The following MAP7 variants were observed in gnomAD, a reference collection of about 807,000 sequenced individuals.
MAP7 encodes the protein microtubule associated protein 7.
MAP7 carries 52 observed loss-of-function variants against 94.8 expected under a neutral mutation model. The ratio of observed to expected loss-of-function variants is 0.55; its 90% CI spans 0.44 to 0.69. The LOEUF (loss-of-function observed/expected upper bound fraction) is 0.69. MAP7 is among the 30% of genes least tolerant of loss of function. MAP7 has a pLI of 0.00. For missense variants in MAP7, 940 were observed against 964.6 expected, an observed-to-expected ratio of 0.97 and a Z score of 0.34; for synonymous variants, 350 against 357.0, an observed-to-expected ratio of 0.98 and a Z score of 0.22.
intron 1 of MAP7, among the ~76,000 whole-genome samples, chr6:136,465,738 C>T (rs541695576): frequency 2.0e-5 from 3 of 152,170 alleles, no homozygotes; most frequent in East Asian, 1.9e-4. Context: ...ATATGCTGCC[C>T]GGACTCTATA....
chr6:136,351,496 T>C (rs1002933354), intron 16 of MAP7, among the ~76,000 whole-genome samples: 1 of 152,188 alleles, frequency 6.6e-6, no homozygotes, highest in Admixed American at 6.5e-5. Flanking sequence ...GTGTGGAAAG[T>C]ATCTCCATGT....
At chr6:136,487,862 T>C (rs1293801200) in intron 1 of MAP7, among the ~76,000 whole-genome samples, 1 of 152,226 alleles carries the variant, frequency 6.6e-6, no homozygotes, top group African/African-American at 2.4e-5. Context: ...CAAAAGATGC[T>C]TGAAGTTGGA....
intron 1 of MAP7, among the ~76,000 whole-genome samples, chr6:136,543,494 T>C (rs1231375408): frequency 2.0e-5 from 3 of 151,982 alleles, no homozygotes; most frequent in South Asian, 2.1e-4. Context: ...CTACTAAAAA[T>C]ACAAAATTAG....
chr6:136,343,915 A>T lies in MAP7; in HGVS notation c.*313T>A. Reference sequence around the variant, plus strand: ...CAAAAAAATCATGCCTAGTCAGCCCATTTCTTTTATAACCAAATTCTCTTG... The same window carrying T: ...CAAAAAAATCATGCCTAGTCAGCCCTTTTCTTTTATAACCAAATTCTCTTG... On this transcript the variant is annotated 3_prime_UTR_variant, in exon 18 of 18. Coordinates refer to ENST00000354570, the MANE Select transcript of MAP7 (RefSeq NM_003980.6). The T allele has an allele frequency of 5.1e-6, 1 of 194,706 alleles. No homozygotes were observed. The highest frequency in any genetic ancestry group is 2.3e-5 in the African/African-American group (1 of 43,560). The allele number at this position is 194,706 out of a possible 1,614,324, so 12.1% of individuals were successfully genotyped here.
chr6:136,464,422 C>T (rs1806268680), intron 1 of MAP7, among the ~76,000 whole-genome samples: 1 of 152,176 alleles, frequency 6.6e-6, no homozygotes, highest in Non-Finnish European at 1.5e-5. Flanking sequence ...CACGTAACTC[C>T]TATTACTCTA....
chr6:136,454,385 T>G (rs936130254), intron 1 of MAP7, among the ~76,000 whole-genome samples: 1 of 151,888 alleles, frequency 6.6e-6, no homozygotes, highest in Non-Finnish European at 1.5e-5. Flanking sequence ...CAACTCCCTG[T>G]AGCCTTGACC....
intron 1 of MAP7, among the ~76,000 whole-genome samples, chr6:136,451,651 C>T (rs916670865): frequency 1.3e-5 from 2 of 152,010 alleles, no homozygotes; most frequent in Non-Finnish European, 2.9e-5. Context: ...CTGATGGAGC[C>T]GAGCAAAGTA....
At chr6:136,547,084 C>T (rs1829795970) in intron 1 of MAP7, among the ~76,000 whole-genome samples, 1 of 152,168 alleles carries the variant, frequency 6.6e-6, no homozygotes, top group African/African-American at 2.4e-5. Flanking sequence ...CGTCTGAGCC[C>T]TTATTTAATT....
chr6:136,420,974 G>A (rs1317681618), intron 2 of MAP7, among the ~76,000 whole-genome samples: 1 of 152,142 alleles, frequency 6.6e-6, no homozygotes, highest in Admixed American at 6.5e-5. Flanking sequence ...GAACCTCATG[G>A]GGTATTCGGC....
chr6:136,435,533 C>T (rs1796160293), intron 1 of MAP7, among the ~76,000 whole-genome samples: 1 of 152,204 alleles, frequency 6.6e-6, no homozygotes, highest in Non-Finnish European at 1.5e-5. Context: ...AAGTAAGTGA[C>T]ATGGCAATGT....
At chr6:136,471,158 A>G (rs1205124294) in intron 1 of MAP7, among the ~76,000 whole-genome samples, 4 of 152,154 alleles carry the variant, frequency 2.6e-5, no homozygotes, top group African/African-American at 9.7e-5. Context: ...TTTTTGCTGA[A>G]AAATTGAAAA....
intron 10 of MAP7, chr6:136,364,107 C>G: frequency 3.2e-6 from 1 of 310,642 alleles, no homozygotes; most frequent in Non-Finnish European, 6.3e-6. Flanking sequence ...CTGGCAGTGC[C>G]AGCCCCACAC....
intron 1 of MAP7, among the ~76,000 whole-genome samples, chr6:136,523,016 C>T (rs1230353941): frequency 6.6e-6 from 1 of 151,738 alleles, no homozygotes; most frequent in Non-Finnish European, 1.5e-5. Flanking sequence ...GCTTGAGTAA[C>T]AGGGCAAGAC....
At chr6:136,485,461 T>C (rs1249466929) in intron 1 of MAP7, among the ~76,000 whole-genome samples, 2 of 152,118 alleles carry the variant, frequency 1.3e-5, no homozygotes, top group African/African-American at 2.4e-5. Flanking sequence ...GCACATTAAT[T>C]GGAAATTTAG....
chr6:136,518,719 T>A (rs1424692056), intron 1 of MAP7, among the ~76,000 whole-genome samples: 6 of 152,216 alleles, frequency 3.9e-5, no homozygotes, highest in African/African-American at 1.2e-4. Flanking sequence ...AGAATTTCTG[T>A]AACAACGAAT....
chr6:136,538,841 G>A (rs1372127875), intron 1 of MAP7, among the ~76,000 whole-genome samples: 1 of 150,948 alleles, frequency 6.6e-6, no homozygotes, highest in Non-Finnish European at 1.5e-5. Flanking sequence ...GCTTTTATGG[G>A]TGTTTAGCGT....
intron 16 of MAP7, among the ~76,000 whole-genome samples, chr6:136,353,768 G>A (rs550664639): frequency 6.6e-6 from 1 of 152,162 alleles, no homozygotes; most frequent in African/African-American, 2.4e-5. Flanking sequence ...CCCCAGGCTA[G>A]TCTTAAACTC....
intron 7 of MAP7, among the ~76,000 whole-genome samples, chr6:136,374,146 C>T (rs999894831): frequency 3.3e-5 from 5 of 152,158 alleles, no homozygotes; most frequent in African/African-American, 1.2e-4. Context: ...TTCATTTCTT[C>T]AGTTTTCCTT....
chr6:136,525,765 T>C, intron 1 of MAP7: 1 of 1,473,190 alleles, frequency 6.8e-7, no homozygotes, highest in Non-Finnish European at 9.0e-7. Context: ...TTATAAAACG[T>C]TCTATAGGCA....
Sources: gnomAD v4.1 joint callset for allele counts (sites outside exome capture counted in the v4.1 genomes callset) on GRCh38, gnomAD v4.1.1 for gene constraint, MANE v1.5 for transcripts, NCBI Gene and HGNC (gene_info 2026-07-23, HGNC 2026-07-21) for gene names.